The following GAD1 variants were observed in gnomAD, a reference collection of about 807,000 sequenced individuals.
GAD1 encodes 67 kDa glutamic acid decarboxylase.
GAD1 carries 35 observed loss-of-function variants against 75.2 expected under a neutral mutation model. The ratio of observed to expected loss-of-function variants is 0.47; its 90% CI spans 0.36 to 0.62. The LOEUF (loss-of-function observed/expected upper bound fraction) is 0.62. GAD1 is among the 20% of genes least tolerant of loss of function. The probability of loss-of-function intolerance (pLI) is 0.00; values close to 1 mark genes in which losing one functional copy is unlikely to be tolerated. For missense variants in GAD1, 490 were observed against 758.5 expected (o/e 0.65, Z 4.16); for synonymous variants, 257 against 271.9 (o/e 0.95, Z 0.54).
At position 170,818,797 on chromosome 2, in the gene GAD1, A is replaced by C; in HGVS notation, c.82+124A>C. 2.3e-6 allele frequency: 2 copies of C among 866,828 alleles called. No homozygotes were observed. The highest frequency in any genetic ancestry group is 1.9e-6 in the Non-Finnish European group (1 of 535,466). 53.7% of individuals were successfully genotyped at this position (866,828 alleles called of 1,614,324 possible). ...GGAGATAATGGAGGCTGGGAAATAA[A>C]TGGGGCTCTGACCCCGTCCCTGCCA... On this transcript the variant is annotated intron_variant, in intron 2 of 16. Transcript: ENST00000358196. The surrounding 1 kb of genome is among the most constrained non-coding windows in gnomAD (Gnocchi z 5.9).
intron 2 of GAD1, among the ~76,000 whole-genome samples, chr2:170,821,139 A>G (rs1407357142): frequency 6.6e-6 from 1 of 152,168 alleles, no homozygotes; most frequent in Non-Finnish European, 1.5e-5. Context: ...AGGGTAGGGT[A>G]AGCGAGTGCT....
At position 170,842,424 on chromosome 2, in the gene GAD1, T is replaced by A. The variant is rs945475181; in HGVS notation, c.639-1621T>A. 11 of 799,488 alleles carry A rather than the reference T, an allele frequency of 1.4e-5. No individual in the cohort carries two copies. The African/African-American group carries it at 1.7e-4, about 12-fold the overall frequency. 49.5% of individuals were successfully genotyped at this position (799,488 alleles called of 1,614,324 possible). On this transcript the variant is annotated intron_variant, in intron 6 of 16. Coordinates refer to ENST00000358196, the MANE Select transcript of GAD1 (RefSeq NM_000817.3). ...TCTCCTCGCCATGCAAACATTTTTG[T>A]CATGTCAACATTTCCAAAAACCAGT...
chr2:170,828,946 T>C, intron 3 of GAD1: 1 of 216,364 alleles, frequency 4.6e-6, no homozygotes, highest in South Asian at 6.7e-5. Context: ...TCTGCTGTCC[T>C]CACCTCTCCT....
intron 7 of GAD1, among the ~76,000 whole-genome samples, chr2:170,845,177 G>T (rs1702603308): frequency 6.6e-6 from 1 of 152,172 alleles, no homozygotes; most frequent in Non-Finnish European, 1.5e-5. Context: ...AAAGCAGGAA[G>T]GATATAACTC....
At chr2:170,832,662 GCGCACACACACACACACA>G (rs1483079785) in intron 5 of GAD1, among the ~76,000 whole-genome samples, 5 of 128,458 alleles carry the variant, frequency 3.9e-5, no homozygotes, top group Admixed American at 7.5e-5. Flanking sequence ...GCGCGCGCGC[GCGCACACACACACACACA>G]CACACACACA....
intron 13 of GAD1, 148 bp downstream of exon 13, chr2:170,852,940 C>A: frequency 1.4e-6 from 1 of 730,694 alleles, no homozygotes; most frequent in Non-Finnish European, 2.5e-6. Flanking sequence ...TCCTTTCCTG[C>A]CCTTGCAGCT....
At chr2:170,833,105 T>C (rs1047648303) in intron 5 of GAD1, among the ~76,000 whole-genome samples, 1 of 152,260 alleles carries the variant, frequency 6.6e-6, no homozygotes, top group Admixed American at 6.5e-5. Flanking sequence ...TCTTCTTCTT[T>C]GTCTCTCCTT....
chr2:170,842,821 T>A (rs1331559850), intron 6 of GAD1: 75 of 1,173,188 alleles, frequency 6.4e-5, no homozygotes, highest in Non-Finnish European at 8.4e-5. Context: ...TTTGACTGCT[T>A]TTTTCATCCA....
Position 170,817,619 on chromosome 2 carries a change from G to A in GAD1, c.-64+571G>A, listed in dbSNP as rs1249241414. 3.9e-5 allele frequency: 6 copies of A among 152,352 alleles called. No individual in the cohort carries two copies. In the East Asian group the frequency reaches 7.7e-4, roughly 20 times the overall value. The allele number at this position is 152,352 out of a possible 1,614,324, so 9.4% of individuals were successfully genotyped here. A position where few individuals can be genotyped will look rare whatever the true frequency, so the allele number is the denominator to read the frequency against. On this transcript the variant is annotated intron_variant, in intron 1 of 16. Transcript: ENST00000358196. ...CTTCGGGCGCCATCGCGCCAGCGCC[G>A]AGAGTCGAGCAGGGGCGCCGCGCAA...
At chr2:170,850,963 G>A (rs766037582) in intron 12 of GAD1, among the ~76,000 whole-genome samples, 3 of 151,682 alleles carry the variant, frequency 2.0e-5, no homozygotes, top group Admixed American at 6.6e-5. Flanking sequence ...TCAGTGAACC[G>A]AGATCACGCC....
chr2:170,826,388 G>A (rs1294151735), intron 3 of GAD1, among the ~76,000 whole-genome samples: 2 of 151,834 alleles, frequency 1.3e-5, no homozygotes, highest in African/African-American at 4.8e-5. Context: ...CCAACATGGC[G>A]AAACCCCCAT....
rs150841255 is a variant in GAD1 at position 170,829,594 on chromosome 2, C to T, written c.265C>T (p.Arg89Trp). The change falls in exon 4 of 17, where the codon CGG (arginine) becomes TGG (tryptophan). Residue 89 changes from arginine (R) to tryptophan (W), a missense_variant. Physicochemically the swap from Arg to Trp is moderately radical, Grantham distance 101. Around this residue, in one of 3 missense-constraint regions of GAD1, gnomAD observed 165 missense variants for 216.4 expected, o/e 0.76. Coordinates refer to ENST00000358196, the MANE Select transcript of GAD1 (RefSeq NM_000817.3). ...AAACAGCGACCGGGATGCCCGCTTC[C>T]GGCGCACAGAGACTGACTTCTCTAA... ...CENSDRDARF[R>W]RTETDFSNLF... The T allele has an allele frequency of 2.7e-4, 436 of 1,613,720 alleles. 1 individual carries two copies. Among genetic ancestry groups the T allele is most frequent in the East Asian group, 1.6e-3 (73 of 44,890 alleles).
At chr2:170,850,536 A>T (rs562843869) in intron 12 of GAD1, among the ~76,000 whole-genome samples, 1 of 152,300 alleles carries the variant, frequency 6.6e-6, no homozygotes, top group Admixed American at 6.5e-5. Flanking sequence ...GTAGAAGCAG[A>T]CTAAGGAGGG....
chr2:170,813,575 T>G (rs1701647254), upstream of GAD1, among the ~76,000 whole-genome samples: 1 of 152,186 alleles, frequency 6.6e-6, no homozygotes, highest in Non-Finnish European at 1.5e-5. Flanking sequence ...AATTGACGTG[T>G]CCTGTCTACT....
At chr2:170,835,667 T>A (rs1043940484) in intron 5 of GAD1, among the ~76,000 whole-genome samples, 1 of 152,264 alleles carries the variant, frequency 6.6e-6, no homozygotes, top group South Asian at 2.1e-4. Flanking sequence ...TGATACATTA[T>A]CAAATAGTGT....
At position 170,818,682 on chromosome 2, in the gene GAD1, C is replaced by G. The variant is rs1348869492; in HGVS notation, c.82+9C>G. On this transcript the variant is annotated intron_variant, in intron 2 of 16. Transcript: ENST00000358196. The surrounding 1 kb of genome is among the most constrained non-coding windows in gnomAD (Gnocchi z 5.9). Reference sequence around the variant, plus strand: ...TAACCTGCGCCCCACAAGTAGGTCCCGCCCCAATTTTCTATCAAATGAACT... The same window carrying G: ...TAACCTGCGCCCCACAAGTAGGTCCGGCCCCAATTTTCTATCAAATGAACT... 6.2e-7 allele frequency: 1 copy of G among 1,613,582 alleles called. No homozygotes were observed. The highest frequency in any genetic ancestry group is 8.5e-7 in the Non-Finnish European group (1 of 1,179,460).
chr2:170,846,444 C>G (rs1425558878), intron 10 of GAD1, among the ~76,000 whole-genome samples: 3 of 152,228 alleles, frequency 2.0e-5, no homozygotes, highest in African/African-American at 4.8e-5. Context: ...TTCTGTTTAG[C>G]AAAGTGCTTC....
chr2:170,816,413 A>T (rs1180154024), upstream of GAD1: 1 of 152,236 alleles, frequency 6.6e-6, no homozygotes, highest in Non-Finnish European at 1.5e-5. Flanking sequence ...CTTTCGCTCA[A>T]GGAAGCGTCG....
intron 2 of GAD1, among the ~76,000 whole-genome samples, chr2:170,819,783 G>A (rs1461628986): frequency 6.6e-6 from 1 of 152,186 alleles, no homozygotes; most frequent in Non-Finnish European, 1.5e-5. Context: ...GTTACAGGGA[G>A]TGCTTATTGA....
Sources: gnomAD v4.1 joint callset for allele counts (sites outside exome capture counted in the v4.1 genomes callset) on GRCh38, gnomAD v4.1.1 for gene constraint, gnomAD v4.1.1 regional missense constraint, Gnocchi (gnomAD v3.1) non-coding constraint, MANE v1.5 for transcripts, NCBI Gene and HGNC (gene_info 2026-07-23, HGNC 2026-07-21) for gene names.